C13orf46: variants seen among roughly 807,000 people sequenced by gnomAD.
C13orf46 encodes the protein chromosome 13 open reading frame 46, also known as uncharacterized protein C13orf46.
the C13orf46 span, among the ~76,000 whole-genome samples, chr13:113,932,896 G>A: frequency 5.9e-5 from 9 of 151,672 alleles, no homozygotes; most frequent in East Asian, 3.9e-4. Flanking sequence ...ATGGAGTCTC[G>A]CTCTGTCAGC....
intron 6 of C13orf46, among the ~76,000 whole-genome samples, chr13:113,963,251 T>A (rs1166848397): frequency 7.7e-6 from 1 of 129,918 alleles, no homozygotes; most frequent in African/African-American, 2.8e-5. Flanking sequence ...GCCTCGCCCC[T>A]GTCCTCAGCC....
chr13:113,942,047 G>A, the C13orf46 span, among the ~76,000 whole-genome samples: 2 of 152,266 alleles, frequency 1.3e-5, no homozygotes, highest in Non-Finnish European at 2.9e-5. Context: ...GTAAGAGCTT[G>A]TGAAGGTCAC....
the C13orf46 span, among the ~76,000 whole-genome samples, chr13:113,933,950 G>A: frequency 2.6e-5 from 4 of 152,174 alleles, no homozygotes; most frequent in Non-Finnish European, 4.4e-5. Context: ...TTCTGGGTAC[G>A]ACTCCGTGTG....
rs1329567709 is a variant in C13orf46 at position 113,967,356 on chromosome 13, T to G, written c.489A>C (p.Gly163=). 6.6e-6 allele frequency: 1 copy of G among 152,250 alleles called. No homozygotes were observed. The highest frequency in any genetic ancestry group is 1.5e-5 in the Non-Finnish European group (1 of 68,058). 9.4% of individuals were successfully genotyped at this position (152,250 alleles called of 1,614,324 possible). A position where few individuals can be genotyped will look rare whatever the true frequency, so the allele number is the denominator to read the frequency against. Residue 163 remains glycine, a synonymous_variant, in exon 5 of 7, where the codon GGA becomes GGC. Coordinates refer to ENST00000636427, the MANE Select transcript of C13orf46 (RefSeq NM_001365455.2). ...KASVFVEIDL[G]DHAEEVVTDA... ...CCATTTTTACCTCCTCAGCATGGTC[T>G]CCCAGATCAATCTCCACAAACACAG...
rs1357973140 is a variant in C13orf46 at position 113,956,369 on chromosome 13, T to A, written c.*404A>T. On this transcript the variant is annotated 3_prime_UTR_variant, in exon 7 of 7. Transcript: ENST00000636427. ...TAGTATCTGGTGGAGAGGAGGAGCATCTGGTGGAGAGGAGGAGCATCTGGT... is the reference window on the plus strand; with the variant it reads ...TAGTATCTGGTGGAGAGGAGGAGCAACTGGTGGAGAGGAGGAGCATCTGGT... 4 of 151,214 alleles carry A rather than the reference T, an allele frequency of 2.6e-5. No homozygotes were observed. The East Asian group carries it at 7.9e-4, about 30-fold the overall frequency. 9.4% of individuals were successfully genotyped at this position (151,214 alleles called of 1,614,324 possible). A position where few individuals can be genotyped will look rare whatever the true frequency, so the allele number is the denominator to read the frequency against.
chr13:113,945,570 A>AG, the C13orf46 span, among the ~76,000 whole-genome samples: 238 of 81,512 alleles, frequency 2.9e-3, 1 homozygote, highest in African/African-American at 9.9e-3. Context: ...AGAAAGAAAG[A>AG]AAGAAAGAGA....
chr13:113,945,539 G>GTCAA, the C13orf46 span, among the ~76,000 whole-genome samples: 3 of 73,602 alleles, frequency 4.1e-5, no homozygotes, highest in African/African-American at 1.5e-4. Context: ...GCGAGAATCT[G>GTCAA]AGAAAGAAAG....
chr13:113,927,628 A>G, the C13orf46 span: 34 of 398,546 alleles, frequency 8.5e-5, no homozygotes, highest in Non-Finnish European at 1.3e-4. Flanking sequence ...GGCCTGATGC[A>G]TGGCAGTGGT....
the C13orf46 span, among the ~76,000 whole-genome samples, chr13:113,930,408 G>T: frequency 6.7e-6 from 1 of 150,354 alleles, no homozygotes; most frequent in African/African-American, 2.5e-5. Context: ...AGGCGGGGGC[G>T]CAGGAGCACC....
chr13:113,948,015 C>T, the C13orf46 span, among the ~76,000 whole-genome samples: 293 of 152,344 alleles, frequency 1.9e-3, 2 homozygotes, highest in African/African-American at 6.8e-3. Context: ...GGCCATGGAG[C>T]GGGGCTCAGG....
the C13orf46 span, among the ~76,000 whole-genome samples, chr13:113,938,671 T>C: frequency 6.6e-6 from 1 of 152,180 alleles, no homozygotes; most frequent in Middle Eastern, 3.2e-3. Context: ...TCCGACGTCT[T>C]TGGGAGGGGC....
In C13orf46 at chr13:113,964,956, C is replaced by G. The variant is rs1396989893; in HGVS notation, c.543G>C (p.Gln181His). Residue 181 changes from glutamine to histidine, a missense_variant, in exon 6 of 7, where the codon CAG becomes CAC. Transcript: ENST00000636427. ...CTTCTGACAGATCTTCCACATCCAT[C>G]TGGGACGGCTTCTCTTCCTTCTTGG... ...TDAKKEEKPS[Q>H]MDVEDLSEDE... 1.3e-5 allele frequency: 2 copies of G among 152,358 alleles called. No homozygotes were observed. The highest frequency in any genetic ancestry group is 4.8e-5 in the African/African-American group (2 of 41,474). The allele number at this position is 152,358 out of a possible 1,614,324, so 9.4% of individuals were successfully genotyped here.
intron 6 of C13orf46, among the ~76,000 whole-genome samples, chr13:113,961,283 T>C (rs1398544154): frequency 5.9e-5 from 9 of 151,972 alleles, no homozygotes; most frequent in Admixed American, 5.9e-4. Flanking sequence ...TTCTAAAAAT[T>C]ACATACATTT....
intron 1 of C13orf46, 138 bp from the exon 2 acceptor site, chr13:113,970,360 G>T (rs1000741276): frequency 6.6e-6 from 1 of 152,330 alleles, no homozygotes; most frequent in Non-Finnish European, 1.5e-5. Flanking sequence ...GTTTCTCCCC[G>T]ACCTGTGCCC....
In C13orf46 at chr13:113,956,049, TA is replaced by T. The variant is rs2052529085; in HGVS notation, c.*723del. 4.8e-5 allele frequency: 3 copies of T among 62,872 alleles called. No individual in the cohort carries two copies. Among genetic ancestry groups the T allele is most frequent in the Admixed American group, 4.8e-4 (3 of 6,288 alleles). 3.9% of individuals were successfully genotyped at this position (62,872 alleles called of 1,614,324 possible). A position where few individuals can be genotyped will look rare whatever the true frequency, so the allele number is the denominator to read the frequency against. The stretch of plus-strand genomic sequence containing the variant: ...AGGAGTAGGATCTGGCAGAGAGGAG[TA>T]GGATCTGGCGGAGAGGAGGAGTAGG... On this transcript the variant is annotated 3_prime_UTR_variant, in exon 7 of 7. Coordinates refer to ENST00000636427, the MANE Select transcript of C13orf46 (RefSeq NM_001365455.2).
intron 1 of C13orf46, among the ~76,000 whole-genome samples, chr13:113,971,800 C>T (rs906673114): frequency 6.6e-6 from 1 of 152,210 alleles, no homozygotes; most frequent in Non-Finnish European, 1.5e-5. Flanking sequence ...ACCAAGGCCA[C>T]GTCGGACTCT....
the C13orf46 span, among the ~76,000 whole-genome samples, chr13:113,944,148 C>A: frequency 6.6e-6 from 1 of 152,192 alleles, no homozygotes; most frequent in Admixed American, 6.5e-5. Flanking sequence ...TCTCCAGACA[C>A]AAGCCCCTCA....
At chr13:113,936,346 C>T in the C13orf46 span, among the ~76,000 whole-genome samples, 1 of 152,182 alleles carries the variant, frequency 6.6e-6, no homozygotes, top group African/African-American at 2.4e-5. Context: ...GGTATTGGCC[C>T]CGTGGGGAGC....
the C13orf46 span, among the ~76,000 whole-genome samples, chr13:113,929,100 C>A: frequency 6.6e-6 from 1 of 152,252 alleles, no homozygotes; most frequent in African/African-American, 2.4e-5. Flanking sequence ...CCCTGCCCTG[C>A]GGTCTGGCCT....
Sources: gnomAD v4.1 joint callset for allele counts (sites outside exome capture counted in the v4.1 genomes callset) on GRCh38, gnomAD v4.1.1 for gene constraint, MANE v1.5 for transcripts, NCBI Gene and HGNC (gene_info 2026-07-23, HGNC 2026-07-21) for gene names.